NAALADL2: variants seen among roughly 807,000 people sequenced by gnomAD.
The protein encoded by NAALADL2 is inactive N-acetylated-alpha-linked acidic dipeptidase-like protein 2.
Under a neutral mutation model 87.2 loss-of-function variants are expected in NAALADL2, and 76 were observed. The ratio of observed to expected loss-of-function variants is 0.87; its 90% CI spans 0.72 to 1.05. NAALADL2 has a LOEUF of 1.05. Ranked by LOEUF, NAALADL2 falls within the 50% of genes least tolerant of loss-of-function variation. The pLI, the probability that NAALADL2 is intolerant of heterozygous loss-of-function variation, is 0.00. For synonymous variants in NAALADL2, 354 were observed against 331.0 expected (o/e 1.07, Z -0.75); for missense variants, 1,089 against 945.8 (o/e 1.15, Z -1.99).
chr3:175,011,702 C>A (rs114391097), intron 1 of NAALADL2, among the ~76,000 whole-genome samples: 2 of 152,128 alleles, frequency 1.3e-5, no homozygotes, highest in Non-Finnish European at 2.9e-5. Flanking sequence ...AAGGTCCTAA[C>A]TAATACATGA....
chr3:175,528,011 G>T (rs767760316), intron 9 of NAALADL2, among the ~76,000 whole-genome samples: 1 of 152,020 alleles, frequency 6.6e-6, no homozygotes, highest in East Asian at 1.9e-4. Flanking sequence ...TCTGTACAGG[G>T]TTTAGTGTGT....
In NAALADL2 at chr3:174,712,076, C is replaced by T. The variant is rs148483209; in HGVS notation, c.-114-25565C>T. Among the ~76,000 whole-genome samples the T allele has an allele frequency of 8.9e-4, 136 of 152,130 alleles. 2 individuals are homozygous for T. In the East Asian group the frequency reaches 0.02, roughly 22 times the overall value. On this transcript the variant is annotated intron_variant, in intron 2 of 3. Coordinates refer to the NAALADL2 transcript ENST00000434257. ...TGCTGGGATTACAGGAGTGGGCCAC[C>T]GCGCCCTGGCCTAACATATGAATTT...
intron 2 of NAALADL2, among the ~76,000 whole-genome samples, chr3:174,659,363 A>G (rs914462304): frequency 6.6e-6 from 1 of 152,298 alleles, no homozygotes. Flanking sequence ...AAATGTCTCA[A>G]TGTTATTTTC....
intron 5 of NAALADL2, among the ~76,000 whole-genome samples, chr3:175,385,039 A>G (rs1768211905): frequency 6.6e-6 from 1 of 152,052 alleles, no homozygotes; most frequent in Admixed American, 6.6e-5. Context: ...ACATCTATAC[A>G]TAATTAAGAA....
chr3:174,603,779 C>G (rs991999766), intron 2 of NAALADL2, among the ~76,000 whole-genome samples: 1 of 151,876 alleles, frequency 6.6e-6, no homozygotes, highest in Admixed American at 6.6e-5. Flanking sequence ...ATTGTATTTC[C>G]ATTATCATTT....
chr3:175,225,202 A>T (rs897135856), intron 2 of NAALADL2, among the ~76,000 whole-genome samples: 4 of 152,212 alleles, frequency 2.6e-5, no homozygotes, highest in African/African-American at 9.6e-5. Flanking sequence ...TTTTAAAAAT[A>T]TATCTTCCCC....
intron 11 of NAALADL2, among the ~76,000 whole-genome samples, chr3:175,659,904 A>G (rs1412826325): frequency 6.6e-6 from 1 of 152,190 alleles, no homozygotes; most frequent in Non-Finnish European, 1.5e-5. Flanking sequence ...TGCCTGCCTC[A>G]GTCTGTTCAG....
chr3:175,539,162 C>T (rs1438828763), intron 9 of NAALADL2, among the ~76,000 whole-genome samples: 1 of 152,112 alleles, frequency 6.6e-6, no homozygotes, highest in Non-Finnish European at 1.5e-5. Context: ...AGTCTTGAGT[C>T]GCAGCAGTTA....
At chr3:175,757,102 G>A (rs1446506635) in intron 13 of NAALADL2, among the ~76,000 whole-genome samples, 1 of 151,582 alleles carries the variant, frequency 6.6e-6, no homozygotes. Flanking sequence ...TGAAAGTTCT[G>A]GGCTAAACAA....
intron 1 of NAALADL2, among the ~76,000 whole-genome samples, chr3:174,886,663 AC>A (rs1730189766): frequency 6.6e-6 from 1 of 152,232 alleles, no homozygotes; most frequent in Non-Finnish European, 1.5e-5. Flanking sequence ...GATTTGAAAT[AC>A]AAATACACTT....
chr3:175,579,779 A>T (rs1000865567), intron 10 of NAALADL2, among the ~76,000 whole-genome samples: 2 of 152,184 alleles, frequency 1.3e-5, no homozygotes, highest in Non-Finnish European at 2.9e-5. Flanking sequence ...CAGTCTGGTG[A>T]TCCAATGCAC....
At chr3:174,787,042 AATTATTATATT>A (rs1716760052) in intron 3 of NAALADL2, among the ~76,000 whole-genome samples, 1 of 151,264 alleles carries the variant, frequency 6.6e-6, no homozygotes, top group African/African-American at 2.4e-5. Flanking sequence ...CAATATAATA[AATTATTATATT>A]ATTATATTTA....
At chr3:175,395,120 A>G (rs1769602228) in intron 5 of NAALADL2, among the ~76,000 whole-genome samples, 1 of 152,082 alleles carries the variant, frequency 6.6e-6, no homozygotes, top group Non-Finnish European at 1.5e-5. Context: ...TGAGATGGCT[A>G]CTAAGTGACT....
At chr3:175,550,812 G>C (rs138097315) in intron 9 of NAALADL2, among the ~76,000 whole-genome samples, 6 of 152,296 alleles carry the variant, frequency 3.9e-5, no homozygotes, top group African/African-American at 1.4e-4. Flanking sequence ...TGTGTATCAG[G>C]AATCTCTAGA....
chr3:175,382,966 A>G (rs905273642), intron 5 of NAALADL2, among the ~76,000 whole-genome samples: 2 of 152,120 alleles, frequency 1.3e-5, no homozygotes, highest in Admixed American at 6.5e-5. Context: ...TAAAAATTAT[A>G]CTTTTATTAA....
chr3:175,480,102 T>C (rs1173100604), intron 9 of NAALADL2, among the ~76,000 whole-genome samples: 1 of 151,252 alleles, frequency 6.6e-6, no homozygotes, highest in Non-Finnish European at 1.5e-5. Flanking sequence ...TGTTTGTTTG[T>C]TTAGCTTTTA....
intron 10 of NAALADL2, among the ~76,000 whole-genome samples, chr3:175,624,541 A>C (rs1726710555): frequency 6.6e-6 from 1 of 151,978 alleles, no homozygotes; most frequent in Admixed American, 6.6e-5. Flanking sequence ...TGAACCTTTT[A>C]TTATTTCTTT....
chr3:175,636,118 A>C (rs1445894073), intron 11 of NAALADL2, among the ~76,000 whole-genome samples: 1 of 151,998 alleles, frequency 6.6e-6, no homozygotes. Flanking sequence ...CACATATATG[A>C]TATGGGCTAA....
chr3:175,018,703 A>G (rs1419430174), intron 1 of NAALADL2, among the ~76,000 whole-genome samples: 2 of 152,126 alleles, frequency 1.3e-5, no homozygotes, highest in African/African-American at 4.8e-5. Context: ...AGTGGCAAGT[A>G]TCACATTGTT....
Sources: allele counts gnomAD v4.1 joint callset (sites outside exome capture counted in the v4.1 genomes callset), GRCh38; gene constraint gnomAD v4.1.1; transcripts MANE v1.5; gene names NCBI Gene and HGNC (gene_info 2026-07-23, HGNC 2026-07-21).